Variants in RARB observed in about 807,000 individuals in gnomAD.
The protein encoded by RARB is HBV-activated protein.
A neutral mutation model predicts 51.9 loss-of-function variants in RARB; 17 were observed. That is an observed-to-expected ratio of 0.33 (90% confidence interval 0.22 to 0.49). RARB has a LOEUF of 0.49. Ranked by LOEUF, RARB falls within the 20% of genes least tolerant of loss-of-function variation. The pLI, the probability that RARB is intolerant of heterozygous loss-of-function variation, is 0.99. For synonymous variants in RARB, 215 were observed against 195.4 expected (o/e 1.10, Z -0.84); for missense variants, 369 against 550.8 (o/e 0.67, Z 3.30).
chr3:25,534,808 A>G (rs1186853844), intron 3 of RARB, among the ~76,000 whole-genome samples: 1 of 152,280 alleles, frequency 6.6e-6, no homozygotes. Context: ...GGGACAGGCT[A>G]ATGCTGGGCT....
chr3:24,971,001 G>C (rs372925611), intron 2 of RARB, among the ~76,000 whole-genome samples: 1 of 151,866 alleles, frequency 6.6e-6, no homozygotes, highest in South Asian at 2.1e-4. Context: ...TCATCTTGGT[G>C]CTCCCAGTAT....
intron 5 of RARB, among the ~76,000 whole-genome samples, chr3:25,253,994 A>C (rs1179324486): frequency 6.6e-6 from 1 of 152,234 alleles, no homozygotes; most frequent in Non-Finnish European, 1.5e-5. Context: ...TAAGGGGTTC[A>C]TATACAGTGC....
chr3:24,876,415 T>G (rs1312861349), intron 2 of RARB, among the ~76,000 whole-genome samples: 1 of 152,096 alleles, frequency 6.6e-6, no homozygotes, highest in African/African-American at 2.4e-5. Flanking sequence ...TCTGCCTCAT[T>G]TAATGCAAAT....
intron 2 of RARB, among the ~76,000 whole-genome samples, chr3:24,968,789 A>C (rs996674586): frequency 6.6e-6 from 1 of 152,156 alleles, no homozygotes; most frequent in Admixed American, 6.5e-5. Context: ...GAAGCAAGTC[A>C]TGTGACTAAG....
At chr3:25,488,386 A>G (rs754791743) in intron 2 of RARB, among the ~76,000 whole-genome samples, 2 of 152,232 alleles carry the variant, frequency 1.3e-5, no homozygotes. Flanking sequence ...GATGCTTAGG[A>G]GAGACTGAAG....
chr3:25,106,825 G>T (rs1408031107), intron 3 of RARB, among the ~76,000 whole-genome samples: 2 of 151,942 alleles, frequency 1.3e-5, no homozygotes, highest in South Asian at 2.1e-4. Flanking sequence ...TCTTCAGCGG[G>T]TTGCTGGAGC....
At chr3:25,070,133 T>C (rs563040389) in intron 3 of RARB, among the ~76,000 whole-genome samples, 2 of 152,320 alleles carry the variant, frequency 1.3e-5, no homozygotes, top group South Asian at 4.1e-4. Context: ...GCAACTCTAT[T>C]ACTCCAATCT....
chr3:24,869,284 G>A (rs1428340314), intron 2 of RARB, among the ~76,000 whole-genome samples: 1 of 152,084 alleles, frequency 6.6e-6, no homozygotes, highest in Non-Finnish European at 1.5e-5. Context: ...TAGTATTTGT[G>A]TATAATATTT....
chr3:24,983,899 C>CA (rs1385114885), intron 2 of RARB, among the ~76,000 whole-genome samples: 2 of 151,780 alleles, frequency 1.3e-5, no homozygotes, highest in Non-Finnish European at 2.9e-5. Flanking sequence ...AATACAATTA[C>CA]AAAAAAGACA....
chr3:25,588,864 G>A (rs1190053287), intron 5 of RARB, among the ~76,000 whole-genome samples: 1 of 152,188 alleles, frequency 6.6e-6, no homozygotes. Flanking sequence ...TCAAGAGACA[G>A]CAAGCAAGAA....
chr3:25,199,306 CGTTGAAG>C (rs148754191), intron 5 of RARB, among the ~76,000 whole-genome samples: 272 of 150,894 alleles, frequency 1.8e-3, no homozygotes, highest in African/African-American at 6.2e-3. Flanking sequence ...TGGGAAAGGT[CGTTGAAG>C]GTTGGGGGTG....
intron 5 of RARB, among the ~76,000 whole-genome samples, chr3:25,306,999 C>T (rs1212306049): frequency 6.6e-6 from 1 of 152,140 alleles, no homozygotes; most frequent in East Asian, 1.9e-4. Flanking sequence ...CCTTCACATT[C>T]TACTAGTGCC....
intron 5 of RARB, among the ~76,000 whole-genome samples, chr3:25,251,464 T>C (rs1377715787): frequency 1.3e-5 from 2 of 152,144 alleles, no homozygotes; most frequent in Non-Finnish European, 1.5e-5. Flanking sequence ...TCCAAAGTAA[T>C]AAATTTTACA....
rs566156509 is a variant in RARB at position 25,301,286 on chromosome 3, C to G, written c.178+126711C>G. The stretch of plus-strand genomic sequence containing the variant: ...TACCAATGGGGTTAGTCTCCCTCAG[C>G]TACCTGGGGACTCTCCATTTTGTGC... On this transcript the variant is annotated intron_variant, in intron 5 of 11. Transcript: ENST00000383772. Among the ~76,000 whole-genome samples the G allele has an allele frequency of 2.6e-5, 4 of 152,300 alleles. No individual in the cohort carries two copies. The South Asian group carries it at 8.3e-4, about 32-fold the overall frequency.
chr3:25,226,531 C>T (rs976907370), intron 5 of RARB, among the ~76,000 whole-genome samples: 5 of 152,106 alleles, frequency 3.3e-5, no homozygotes, highest in African/African-American at 1.2e-4. Flanking sequence ...ATAAAACCTA[C>T]AAACCTGCCA....
intron 2 of RARB, among the ~76,000 whole-genome samples, chr3:24,948,830 C>T (rs1288008041): frequency 6.6e-6 from 1 of 152,184 alleles, no homozygotes; most frequent in Non-Finnish European, 1.5e-5. Flanking sequence ...GTGTGACGTG[C>T]CTGCTCCCTT....
intron 3 of RARB, among the ~76,000 whole-genome samples, chr3:25,550,463 A>C (rs1699802875): frequency 6.6e-6 from 1 of 151,974 alleles, no homozygotes; most frequent in South Asian, 2.1e-4. Context: ...TCTTGCTGTA[A>C]CCTCACATGG....
chr3:24,884,216 C>G (rs756411114), intron 2 of RARB, among the ~76,000 whole-genome samples: 2 of 152,156 alleles, frequency 1.3e-5, no homozygotes, highest in Non-Finnish European at 2.9e-5. Flanking sequence ...TGCCAGTGTC[C>G]TGTGAATACC....
At chr3:25,468,477 G>A (rs1245599683) in intron 2 of RARB, among the ~76,000 whole-genome samples, 2 of 150,614 alleles carry the variant, frequency 1.3e-5, no homozygotes, top group Admixed American at 6.6e-5. Flanking sequence ...GGTAACAGAG[G>A]GTCCGAGTAG....
Sources: gnomAD v4.1 joint callset for allele counts (sites outside exome capture counted in the v4.1 genomes callset) on GRCh38, gnomAD v4.1.1 for gene constraint, MANE v1.5 for transcripts, NCBI Gene and HGNC (gene_info 2026-07-23, HGNC 2026-07-21) for gene names.